The following SLC25A45 variants were observed in gnomAD, a reference collection of about 807,000 sequenced individuals.
The protein encoded by SLC25A45 is methylated amino-acid transporter SLC25A45.
In SLC25A45, 22 loss-of-function variants were observed where a neutral mutation model predicts 23.0. The ratio of observed to expected loss-of-function variants is 0.95; its 90% CI spans 0.68 to 1.36. SLC25A45 has a LOEUF of 1.36. Ranked by LOEUF, SLC25A45 falls within the 40% of genes most tolerant of loss-of-function variation. SLC25A45 has a pLI of 0.00. For missense variants in SLC25A45, 355 were observed against 383.5 expected (o/e 0.93, Z 0.62); for synonymous variants, 136 against 155.0 (o/e 0.88, Z 0.91).
intron 2 of SLC25A45, chr11:65,381,470 G>C (rs538578058): frequency 5.7e-6 from 1 of 176,646 alleles, no homozygotes; most frequent in South Asian, 1.1e-4. Context: ...TGTTGCCCAG[G>C]CTGGTCTCAA....
intron 3 of SLC25A45, 85 bp from the exon 4 acceptor site, chr11:65,380,023 C>A: frequency 1.9e-6 from 3 of 1,589,654 alleles, no homozygotes; most frequent in Non-Finnish European, 2.6e-6. Context: ...GGGATGCCAA[C>A]CAGCAGGAGA....
chr11:65,379,738 C>T, intron 4 of SLC25A45, 129 bp downstream of exon 4: 3 of 1,328,448 alleles, frequency 2.3e-6, no homozygotes, highest in Non-Finnish European at 3.1e-6. Context: ...ACCACCCAGG[C>T]CCCCCAAGGA....
chr11:65,377,916 A>G (rs908666288), intron 5 of SLC25A45: 8 of 152,322 alleles, frequency 5.3e-5, no homozygotes, highest in African/African-American at 1.9e-4. Context: ...TGTGACAGGT[A>G]CATGGGCTCA....
chr11:65,378,475 G>T (rs550819831), intron 5 of SLC25A45: 1 of 152,330 alleles, frequency 6.6e-6, no homozygotes, highest in African/African-American at 2.4e-5. Context: ...TGGCCACTTA[G>T]CTTAGGGCTT....
At chr11:65,380,032 G>T in intron 3 of SLC25A45, 94 bp from the exon 4 acceptor site, 1 of 1,586,732 alleles carries the variant, frequency 6.3e-7, no homozygotes, top group Non-Finnish European at 8.7e-7. Context: ...ACCAGCAGGA[G>T]AGGCAGGAAA....
chr11:65,379,401 G>A lies in SLC25A45; in HGVS notation c.314C>T (p.Ala105Val), dbSNP rs1046051381. Residue 105 changes from alanine (A) to valine (V), a missense_variant, in exon 5 of 7, where the codon GCG becomes GTG. By Grantham distance (64) the Ala-to-Val change is moderately conservative. Transcript: ENST00000398802. ...CTGCAGGAACCCCCCGGTGCAGCCCGCTAGGAAGATGTGCATGTAGCTGGG... is the reference window on the plus strand; with the variant it reads ...CTGCAGGAACCCCCCGGTGCAGCCCACTAGGAAGATGTGCATGTAGCTGGG... ...QPPSYMHIFL[A>V]GCTGGFLQAY... The A allele has an allele frequency of 1.2e-6, 2 of 1,611,656 alleles. No homozygotes were observed. The highest frequency in any genetic ancestry group is 1.7e-6 in the Non-Finnish European group (2 of 1,179,934).
Position 65,375,934 on chromosome 11 carries a change from C to T in SLC25A45, c.*473G>A, listed in dbSNP as rs1159505520. 5 of 160,024 alleles carry T rather than the reference C, an allele frequency of 3.1e-5. No homozygotes were observed. The highest frequency in any genetic ancestry group is 1.8e-4 in the East Asian group (1 of 5,462). 9.9% of individuals were successfully genotyped at this position (160,024 alleles called of 1,614,324 possible). On this transcript the variant is annotated 3_prime_UTR_variant, in exon 7 of 7. Coordinates refer to ENST00000398802, the MANE Select transcript of SLC25A45 (RefSeq NM_182556.4). Reference sequence around the variant, plus strand: ...AAATTTAGCTGGGTGTGGTGGCGGGCGCCTATAGTCCCAGCTACTTGGGAG... The same window carrying T: ...AAATTTAGCTGGGTGTGGTGGCGGGTGCCTATAGTCCCAGCTACTTGGGAG...
chr11:65,382,693 A>C (rs1855637956), upstream of SLC25A45: 1 of 152,598 alleles, frequency 6.6e-6, no homozygotes, highest in Admixed American at 6.5e-5. The surrounding 1 kb of genome is among the most constrained non-coding windows in gnomAD (Gnocchi z 4.4). Context: ...GGTGCCGCCC[A>C]TTCTCCTCTG....
At position 65,379,364 on chromosome 11, in the gene SLC25A45, C is replaced by T; in HGVS notation, c.339+12G>A. 2 of 1,606,316 alleles carry T rather than the reference C, an allele frequency of 1.2e-6. No individual in the cohort carries two copies. Among genetic ancestry groups the T allele is most frequent in the Non-Finnish European group, 8.5e-7 (1 of 1,179,752 alleles). ...TATGACACCTGTGTGTGCCCACTCACTGCCCCCTCACCTGCAGGAACCCCC... is the reference window on the plus strand; with the variant it reads ...TATGACACCTGTGTGTGCCCACTCATTGCCCCCTCACCTGCAGGAACCCCC... On this transcript the variant is annotated intron_variant, in intron 5 of 6. Coordinates refer to ENST00000398802, the MANE Select transcript of SLC25A45 (RefSeq NM_182556.4).
intron 2 of SLC25A45, chr11:65,381,590 C>T: frequency 1.1e-5 from 1 of 90,424 alleles, no homozygotes; most frequent in East Asian, 3.4e-4. Context: ...TTTTTTGTGG[C>T]AGGGTCTCAT....
Position 65,377,020 on chromosome 11 carries a change from C to G in SLC25A45, c.396G>C (p.Glu132Asp), listed in dbSNP as rs374936436. 3 of 1,613,976 alleles carry G rather than the reference C, an allele frequency of 1.9e-6. No homozygotes were observed. In the Admixed American group the frequency reaches 5.0e-5, roughly 27 times the overall value. ...GGGGGCTCCCTGGCTGGGCCCTTGG[C>G]TCTGTCTGGTTTTGTAGCCGGACTT... Reference protein sequence around the residue: ...LIKVRLQNQTEPRAQPGSPPP... With the variant: ...LIKVRLQNQTDPRAQPGSPPP... The change falls in exon 6 of 7, where the codon GAG becomes GAC. Residue 132 changes from glutamate to aspartate, a missense_variant. Transcript: ENST00000398802.
Position 65,382,443 on chromosome 11 carries a change from T to C in SLC25A45, c.-19+43A>G, listed in dbSNP as rs921898497. 1.3e-4 allele frequency: 23 copies of C among 182,888 alleles called. No homozygotes were observed. The highest frequency in any genetic ancestry group is 9.5e-4 in the East Asian group (7 of 7,378). The allele number at this position is 182,888 out of a possible 1,614,324, so 11.3% of individuals were successfully genotyped here. On this transcript the variant is annotated intron_variant, in intron 1 of 6. Coordinates refer to ENST00000398802, the MANE Select transcript of SLC25A45 (RefSeq NM_182556.4). The surrounding 1 kb of genome is among the most constrained non-coding windows in gnomAD (Gnocchi z 4.4). The stretch of plus-strand genomic sequence containing the variant: ...GGTAGGCCCAGCCCGCATTTGCCGC[T>C]GCGTGGCAGGGTGGGGAGGAGCCAC...
At position 65,379,552 on chromosome 11, in the gene SLC25A45, A is replaced by C; in HGVS notation, c.163T>G (p.Phe55Val). The change falls in exon 5 of 7, where the codon TTC becomes GTC. Residue 55 changes from phenylalanine (F) to valine (V), a missense_variant. Physicochemically the swap from Phe to Val is conservative, Grantham distance 50. Coordinates refer to ENST00000398802, the MANE Select transcript of SLC25A45 (RefSeq NM_182556.4). ...KIYRHESLLG[F>V]FKGMSFPIAS... The stretch of plus-strand genomic sequence containing the variant: ...ATGGGGAAGCTCATTCCCTTGAAGA[A>C]GCCCAGGAGCTGCAGAGAGACACAG... 6.2e-7 allele frequency: 1 copy of C among 1,607,670 alleles called. No homozygotes were observed. Among genetic ancestry groups the C allele is most frequent in the Non-Finnish European group, 8.5e-7 (1 of 1,175,206 alleles).
rs1043866083 is a variant in SLC25A45 at position 65,382,024 on chromosome 11, C to T, written c.-18-55G>A. ...GAATTCCCCCCTCTCCCTCCCCTGG[C>T]CCACGCTGATAACCTCCCACTAATG... On this transcript the variant is annotated intron_variant, in intron 1 of 6. Transcript: ENST00000398802. This position sits in a 1 kb window ranked among gnomAD's most constrained non-coding sequence, Gnocchi z 4.4. 1.5e-6 allele frequency: 2 copies of T among 1,303,980 alleles called. No homozygotes were observed. Among genetic ancestry groups the T allele is most frequent in the Non-Finnish European group, 2.2e-6 (2 of 897,488 alleles). The allele number at this position is 1,303,980 out of a possible 1,614,324, so 80.8% of individuals were successfully genotyped here.
At chr11:65,377,407 G>A in intron 5 of SLC25A45, 3 of 1,183,296 alleles carry the variant, frequency 2.5e-6, no homozygotes, top group Non-Finnish European at 3.2e-6. Context: ...CCTCCCTAAA[G>A]CCGGCAGTGA....
intron 5 of SLC25A45, chr11:65,377,965 T>G (rs1855307457): frequency 6.6e-6 from 1 of 152,368 alleles, no homozygotes; most frequent in South Asian, 2.1e-4. Context: ...CGACGGGGGC[T>G]GGCGGTCGCC....
chr11:65,375,339 C>T lies in SLC25A45; in HGVS notation c.*1068G>A, dbSNP rs1453790909. 1 of 152,406 alleles carries T rather than the reference C, an allele frequency of 6.6e-6. No individual in the cohort carries two copies. The highest frequency in any genetic ancestry group is 2.4e-5 in the African/African-American group (1 of 41,454). The allele number at this position is 152,406 out of a possible 1,614,324, so 9.4% of individuals were successfully genotyped here. A position where few individuals can be genotyped will look rare whatever the true frequency, so the allele number is the denominator to read the frequency against. On this transcript the variant is annotated 3_prime_UTR_variant, in exon 7 of 7. Transcript: ENST00000398802. ...ATTAATGACTCTGAAGAAGCGCAGG[C>T]AAGTGCTATGATCAAGGCATGTGTG...
rs1855594097 is a variant in SLC25A45 at position 65,382,029 on chromosome 11, G to A, written c.-18-60C>T. 6 of 1,212,132 alleles carry A rather than the reference G, an allele frequency of 4.9e-6. No homozygotes were observed. The highest frequency in any genetic ancestry group is 7.4e-6 in the Non-Finnish European group (6 of 813,922). 75.1% of individuals were successfully genotyped at this position (1,212,132 alleles called of 1,614,324 possible). A position where few individuals can be genotyped will look rare whatever the true frequency, so the allele number is the denominator to read the frequency against. ...CCCCCCTCTCCCTCCCCTGGCCCAC[G>A]CTGATAACCTCCCACTAATGTTTAA... On this transcript the variant is annotated intron_variant, in intron 1 of 6. Transcript: ENST00000398802. This position sits in a 1 kb window ranked among gnomAD's most constrained non-coding sequence, Gnocchi z 4.4.
In SLC25A45 at chr11:65,375,224, G is replaced by C. The variant is rs1229329036; in HGVS notation, c.*1183C>G. On this transcript the variant is annotated 3_prime_UTR_variant, in exon 7 of 7. Coordinates refer to ENST00000398802, the MANE Select transcript of SLC25A45 (RefSeq NM_182556.4). The stretch of plus-strand genomic sequence containing the variant: ...TAACGAGCATTTATTGCACACGTCT[G>C]TTCAAGCACCAGGCTCAGGCTGGAA... 6.6e-6 allele frequency: 1 copy of C among 152,292 alleles called. No homozygotes were observed. Among genetic ancestry groups the C allele is most frequent in the Non-Finnish European group, 1.5e-5 (1 of 68,078 alleles). 9.4% of individuals were successfully genotyped at this position (152,292 alleles called of 1,614,324 possible). A position where few individuals can be genotyped will look rare whatever the true frequency, so the allele number is the denominator to read the frequency against.
Sources: gnomAD v4.1 joint callset for allele counts on GRCh38, gnomAD v4.1.1 for gene constraint, Gnocchi (gnomAD v3.1) non-coding constraint, MANE v1.5 for transcripts, NCBI Gene and HGNC (gene_info 2026-07-23, HGNC 2026-07-21) for gene names.